Variants in PALM observed in about 807,000 individuals in gnomAD.
PALM encodes the protein paralemmin.
In PALM, 18 loss-of-function variants were observed where a neutral mutation model predicts 30.7. The ratio of observed to expected loss-of-function variants is 0.59; its 90% CI spans 0.41 to 0.87. PALM has a LOEUF of 0.87. Ranked by LOEUF, PALM falls within the 40% of genes least tolerant of loss-of-function variation. The probability of loss-of-function intolerance (pLI) is 0.00; values close to 1 mark genes in which losing one functional copy is unlikely to be tolerated. For missense variants in PALM, 529 were observed against 555.4 expected (o/e 0.95, Z 0.48); for synonymous variants, 286 against 242.8 (o/e 1.18, Z -1.66).
At chr19:719,138 C>T (rs1351179564) in intron 1 of PALM, 2 of 985,226 alleles carry the variant, frequency 2.0e-6, no homozygotes, top group Admixed American at 1.2e-4. Context: ...GGGACCCCCT[C>T]GTTCTGGCTG....
intron 3 of PALM, 130 bp downstream of exon 3, chr19:727,218 C>G: frequency 1.5e-6 from 1 of 646,470 alleles, no homozygotes; most frequent in Non-Finnish European, 2.7e-6. Context: ...AGCCCTGACC[C>G]TGACCCCGAC....
At chr19:733,168 C>T (rs542048330) in intron 5 of PALM, among the ~76,000 whole-genome samples, 6 of 152,176 alleles carry the variant, frequency 3.9e-5, no homozygotes, top group South Asian at 2.1e-4. Flanking sequence ...TCAGGTGATC[C>T]GCCCGCCTCG....
chr19:711,886 C>G (rs139282268), intron 1 of PALM, among the ~76,000 whole-genome samples: 1 of 152,184 alleles, frequency 6.6e-6, no homozygotes, highest in African/African-American at 2.4e-5. Context: ...TCCCAAGTAG[C>G]TGGGACGACA....
intron 1 of PALM, among the ~76,000 whole-genome samples, chr19:721,976 T>C (rs2032498219): frequency 1.3e-5 from 2 of 152,014 alleles, no homozygotes; most frequent in African/African-American, 4.8e-5. Flanking sequence ...TGGAGTGCAG[T>C]GGCGCAATCT....
chr19:746,386 G>A lies in PALM; in HGVS notation c.736G>A (p.Glu246Lys), dbSNP rs369588208. Residue 246 changes from glutamate (E) to lysine (K), a missense_variant, in exon 9 of 9, where the codon GAG becomes AAG. By Grantham distance (56) the Glu-to-Lys change is moderately conservative (BLOSUM62 1). Transcript: ENST00000338448. This position sits in a 1 kb window ranked among gnomAD's most constrained non-coding sequence, Gnocchi z 7.1. ...IHKADEVTLS[E>K]AGSTAGAAET... ...CAAAGCGGACGAGGTCACGCTGAGC[G>A]AGGCAGGGTCCACGGCCGGGGCGGC... 6.2e-6 allele frequency: 10 copies of A among 1,613,128 alleles called. No homozygotes were observed. Among genetic ancestry groups the A allele is most frequent in the South Asian group, 5.5e-5 (5 of 91,072 alleles).
At chr19:730,866 T>C (rs902506485) in intron 4 of PALM, among the ~76,000 whole-genome samples, 49 of 151,978 alleles carry the variant, frequency 3.2e-4, no homozygotes, top group African/African-American at 1.1e-3. Context: ...CTGGGTGTGG[T>C]GGTGCACGCC....
chr19:709,968 C>T lies in PALM; in HGVS notation c.5+817C>T, dbSNP rs533266249. Among the ~76,000 whole-genome samples, 5 of 152,256 alleles carry T rather than the reference C, an allele frequency of 3.3e-5. No homozygotes were observed. Among genetic ancestry groups the T allele is most frequent in the African/African-American group, 1.2e-4 (5 of 41,554 alleles). ...GAGGGCGCGTGGTCATTTCGGACAC[C>T]GGTCCCCTCCTCCCGGTGCTCGGGT... On this transcript the variant is annotated intron_variant, in intron 1 of 8. Coordinates refer to ENST00000338448, the MANE Select transcript of PALM (RefSeq NM_002579.3). The surrounding 1 kb of genome is among the most constrained non-coding windows in gnomAD (Gnocchi z 4.3).
intron 7 of PALM, among the ~76,000 whole-genome samples, chr19:738,901 AG>A (rs2033104770): frequency 6.6e-6 from 1 of 152,170 alleles, no homozygotes; most frequent in South Asian, 2.1e-4. Flanking sequence ...GGGGTGTGCC[AG>A]GCATTGGGAA....
intron 6 of PALM, chr19:734,775 TGA>T: frequency 6.3e-6 from 1 of 159,278 alleles, no homozygotes; most frequent in Non-Finnish European, 1.4e-5. Flanking sequence ...CCCAGGAGGT[TGA>T]GCTGTGATCG....
intron 1 of PALM, among the ~76,000 whole-genome samples, chr19:725,435 C>T (rs893507619): frequency 6.6e-6 from 1 of 152,100 alleles, no homozygotes; most frequent in Non-Finnish European, 1.5e-5. Flanking sequence ...GTGGCAGGCA[C>T]CTGTCATCCC....
intron 1 of PALM, among the ~76,000 whole-genome samples, chr19:711,761 T>C (rs141192047): frequency 2.0e-5 from 3 of 152,284 alleles, no homozygotes; most frequent in African/African-American, 7.2e-5. Context: ...AGGCAAGGAA[T>C]AGACAGATAC....
At chr19:724,678 G>A (rs1319248051) in intron 1 of PALM, among the ~76,000 whole-genome samples, 1 of 151,986 alleles carries the variant, frequency 6.6e-6, no homozygotes, top group Non-Finnish European at 1.5e-5. Context: ...GTAGGGTGGT[G>A]GGGTCATGGC....
intron 7 of PALM, 32 bp downstream of exon 7, chr19:736,110 T>A (rs1044110333): frequency 2.3e-5 from 33 of 1,422,960 alleles, no homozygotes; most frequent in Non-Finnish European, 3.0e-5. Context: ...GGGCCCCAGA[T>A]CCAGCCGCTG....
At chr19:738,140 C>G (rs2033076904) in intron 7 of PALM, among the ~76,000 whole-genome samples, 1 of 152,090 alleles carries the variant, frequency 6.6e-6, no homozygotes, top group South Asian at 2.1e-4. Context: ...CCTGTAATCC[C>G]AGCACCTTTG....
At chr19:727,987 C>T (rs1252943189) in intron 4 of PALM, 3 of 218,548 alleles carry the variant, frequency 1.4e-5, no homozygotes, top group Admixed American at 7.3e-5. Context: ...AGGGACGTGG[C>T]GTCGAGCTCC....
intron 4 of PALM, among the ~76,000 whole-genome samples, chr19:729,066 C>G (rs1157683929): frequency 6.6e-6 from 1 of 151,836 alleles, no homozygotes. Context: ...GGGGCTCACA[C>G]CTGTAATGCC....
At chr19:745,433 C>G (rs2033310314) in intron 8 of PALM, among the ~76,000 whole-genome samples, 1 of 152,118 alleles carries the variant, frequency 6.6e-6, no homozygotes, top group Admixed American at 6.5e-5. Context: ...GTGGCTCACG[C>G]CTGTCATCCC....
At chr19:717,011 C>T (rs1003643318) in intron 1 of PALM, among the ~76,000 whole-genome samples, 2 of 151,896 alleles carry the variant, frequency 1.3e-5, no homozygotes, top group Non-Finnish European at 2.9e-5. Flanking sequence ...CTCACTGCAA[C>T]CTCCGCCTCC....
At chr19:734,643 C>G (rs536866280) in intron 6 of PALM, 1 of 178,916 alleles carries the variant, frequency 5.6e-6, no homozygotes, top group South Asian at 1.1e-4. Flanking sequence ...GTCAGGAGTT[C>G]AAGACCAGCC....
Sources: allele counts gnomAD v4.1 joint callset (sites outside exome capture counted in the v4.1 genomes callset), GRCh38; gene constraint gnomAD v4.1.1; non-coding constraint Gnocchi (gnomAD v3.1); transcripts MANE v1.5; gene names NCBI Gene and HGNC (gene_info 2026-07-23, HGNC 2026-07-21).